The following HTR2C variants were observed in gnomAD, a reference collection of about 807,000 sequenced individuals.
HTR2C encodes 5-hydroxytryptamine receptor 2C.
In HTR2C, 5 loss-of-function variants were observed where a neutral mutation model predicts 21.0. The ratio of observed to expected loss-of-function variants is 0.24; its 90% CI spans 0.12 to 0.50. HTR2C has a LOEUF of 0.50. Among genes scored for constraint, HTR2C ranks in the 20% least tolerant of loss-of-function variants. The pLI is 0.98. For synonymous variants in HTR2C, 150 were observed against 145.3 expected, an observed-to-expected ratio of 1.03 and a Z score of -0.23; for missense variants, 271 against 371.2, an observed-to-expected ratio of 0.73 and a Z score of 2.22.
chrX:114,776,232 C>A, intron 4 of HTR2C: 1 of 565,302 alleles, frequency 1.8e-6, no homozygotes, highest in Non-Finnish European at 3.2e-6. Flanking sequence ...AAGCCGTAAG[C>A]AATATCAGCA....
intron 2 of HTR2C, among the ~76,000 whole-genome samples, chrX:114,653,888 CTAAAA>C: frequency 9.0e-6 from 1 of 110,908 alleles, no homozygotes; most frequent in East Asian, 2.8e-4. Flanking sequence ...ATAGTGCATA[CTAAAA>C]TAAAATGTGG....
At chrX:114,636,412 A>G (rs1355728621) in intron 2 of HTR2C, among the ~76,000 whole-genome samples, 1 of 111,806 alleles carries the variant, frequency 8.9e-6, no homozygotes, top group Non-Finnish European at 1.9e-5. Context: ...TAACTGGATA[A>G]GTTGAGGATA....
intron 2 of HTR2C, among the ~76,000 whole-genome samples, chrX:114,676,759 A>C (rs982157020): frequency 8.9e-6 from 1 of 112,435 alleles, no homozygotes; most frequent in Non-Finnish European, 1.9e-5. Flanking sequence ...TTTAGATCAG[A>C]ATGAATATGC....
chrX:114,689,207 C>CATATATATATATAT (rs1556414745), intron 2 of HTR2C, among the ~76,000 whole-genome samples: 1 of 10,155 alleles, frequency 9.8e-5, no homozygotes, highest in East Asian at 9.8e-3. Flanking sequence ...GGTATGTATG[C>CATATATATATATAT]GTATATATAT....
chrX:114,802,132 A>G (rs1452257952), intron 4 of HTR2C, among the ~76,000 whole-genome samples: 2 of 111,105 alleles, frequency 1.8e-5, no homozygotes, highest in African/African-American at 6.5e-5. Context: ...TGCCTAATAA[A>G]TTAATTTAAA....
chrX:114,629,199 G>T (rs140387082), intron 2 of HTR2C, among the ~76,000 whole-genome samples: 1 of 111,789 alleles, frequency 8.9e-6, no homozygotes, highest in Admixed American at 9.6e-5. Flanking sequence ...TATTATTCTA[G>T]AATTTTAGGG....
At chrX:114,905,632 A>C (rs782404561) in intron 5 of HTR2C, among the ~76,000 whole-genome samples, 4 of 111,780 alleles carry the variant, frequency 3.6e-5, no homozygotes, top group African/African-American at 1.3e-4. Flanking sequence ...ATACAATCTG[A>C]ACTTCCCAGG....
In HTR2C at chrX:114,826,695, A is replaced by C. The variant is rs1394613120; in HGVS notation, c.350-21308A>C. On this transcript the variant is annotated intron_variant, in intron 4 of 5. Transcript: ENST00000276198. ...TCTATATTATTAAATTTAAATTTGT[A>C]GAGTTTCTTATAGACAGCATATAAT... Among the ~76,000 whole-genome samples, 3 of 111,500 alleles carry C rather than the reference A, an allele frequency of 2.7e-5. No homozygotes were observed. In the Admixed American group the frequency reaches 2.9e-4, roughly 11 times the overall value.
At chrX:114,734,957 AG>A (rs2069576261) in intron 4 of HTR2C, among the ~76,000 whole-genome samples, 2 of 111,648 alleles carry the variant, frequency 1.8e-5, no homozygotes, top group African/African-American at 6.5e-5. Flanking sequence ...GGCTATAAAA[AG>A]TTTAAGTCTT....
At chrX:114,784,879 A>G (rs1235224136) in intron 4 of HTR2C, among the ~76,000 whole-genome samples, 2 of 110,863 alleles carry the variant, frequency 1.8e-5, no homozygotes, top group Admixed American at 9.6e-5. Flanking sequence ...TCGGCCTCCC[A>G]AAGTGCTGGG....
intron 2 of HTR2C, among the ~76,000 whole-genome samples, chrX:114,703,551 T>A (rs1056265475): frequency 2.7e-5 from 3 of 111,424 alleles, no homozygotes; most frequent in Non-Finnish European, 5.6e-5. Context: ...TCTGGGACGC[T>A]TTCAAAGCAG....
rs150174494 is a variant in HTR2C at position 114,877,034 on chromosome X, T to C, written c.550+28831T>C. Among the ~76,000 whole-genome samples, 117 of 111,555 alleles carry C rather than the reference T, an allele frequency of 1.0e-3. 1 individual carries two copies. In the East Asian group the frequency reaches 0.031, roughly 30 times the overall value. Reference sequence around the variant, plus strand: ...GAGAAGGTTTGGTGCTAGTTCTTCATGAAATGTTTGGCAGAACTCACCAGT... The same window carrying C: ...GAGAAGGTTTGGTGCTAGTTCTTCACGAAATGTTTGGCAGAACTCACCAGT... On this transcript the variant is annotated intron_variant, in intron 5 of 5. Coordinates refer to ENST00000276198, the MANE Select transcript of HTR2C (RefSeq NM_000868.4).
chrX:114,613,601 G>A (rs1928834908), intron 1 of HTR2C, among the ~76,000 whole-genome samples: 1 of 111,787 alleles, frequency 8.9e-6, no homozygotes, highest in Admixed American at 9.5e-5. Flanking sequence ...TCACGATGGA[G>A]TTGCTCTGGT....
chrX:114,662,432 C>T (rs193138485), intron 2 of HTR2C, among the ~76,000 whole-genome samples: 6 of 111,107 alleles, frequency 5.4e-5, no homozygotes, highest in Non-Finnish European at 9.4e-5. Flanking sequence ...TCTCTGTTTA[C>T]CTACCAACAC....
intron 4 of HTR2C, among the ~76,000 whole-genome samples, chrX:114,769,195 T>C (rs1556436273): frequency 9.0e-6 from 1 of 111,506 alleles, no homozygotes; most frequent in Non-Finnish European, 1.9e-5. Context: ...AGCAAAGCTG[T>C]GGCCTTGAGG....
chrX:114,684,771 A>G (rs1046149168), intron 2 of HTR2C, among the ~76,000 whole-genome samples: 17 of 111,690 alleles, frequency 1.5e-4, no homozygotes, highest in Non-Finnish European at 3.2e-4. Flanking sequence ...TCTCCTCATT[A>G]TAGTACATTA....
intron 5 of HTR2C, among the ~76,000 whole-genome samples, chrX:114,876,418 CTTTCTTTTTTTT>C (rs2071136074): frequency 5.7e-5 from 2 of 35,233 alleles, no homozygotes; most frequent in Non-Finnish European, 1.0e-4. Context: ...CTTTCTTTTT[CTTTCTTTTTTTT>C]TTTTTTTTTG....
chrX:114,826,395 G>T (rs1187128733), intron 4 of HTR2C, among the ~76,000 whole-genome samples: 2 of 111,425 alleles, frequency 1.8e-5, no homozygotes, highest in African/African-American at 6.5e-5. Context: ...ACATCTATAT[G>T]GTGCCACAAG....
At position 114,604,151 on chromosome X, in the gene HTR2C, T is replaced by TGG. The variant is rs1338956956; in HGVS notation, c.-146-9659_-146-9658dup. Among the ~76,000 whole-genome samples the TGG allele has an allele frequency of 1.2e-4, 13 of 106,779 alleles. No homozygotes were observed. The East Asian group carries it at 3.0e-3, about 25-fold the overall frequency. The allele number at this position is 106,779 out of a possible 115,157, so 92.7% of individuals were successfully genotyped here. A position where few individuals can be genotyped will look rare whatever the true frequency, so the allele number is the denominator to read the frequency against. The stretch of plus-strand genomic sequence containing the variant: ...GGTATCTTATACTTGTGGGTTAAGG[T>TGG]GGGGGGATACAAGAGGAGGACGCAA... On this transcript the variant is annotated intron_variant, in intron 1 of 5. Coordinates refer to ENST00000276198, the MANE Select transcript of HTR2C (RefSeq NM_000868.4).
Sources: allele counts gnomAD v4.1 joint callset (sites outside exome capture counted in the v4.1 genomes callset), GRCh38; gene constraint gnomAD v4.1.1; transcripts MANE v1.5; gene names NCBI Gene and HGNC (gene_info 2026-07-23, HGNC 2026-07-21).